The following CABIN1 variants were observed in gnomAD, a reference collection of about 807,000 sequenced individuals.
CABIN1 encodes the protein calcineurin-binding protein cabin-1.
A neutral mutation model predicts 227.7 loss-of-function variants in CABIN1; 133 were observed. The ratio of observed to expected loss-of-function variants is 0.58; its 90% CI spans 0.51 to 0.67. The LOEUF (loss-of-function observed/expected upper bound fraction) is 0.67. CABIN1 is among the 30% of genes least tolerant of loss of function. The probability of loss-of-function intolerance (pLI) is 0.00; values close to 1 mark genes in which losing one functional copy is unlikely to be tolerated. For missense variants in CABIN1, 2,408 were observed against 2,852.5 expected (o/e 0.84, Z 3.55); for synonymous variants, 1,086 against 1,155.1 (o/e 0.94, Z 1.21).
chr22:24,146,388 T>G (rs1427277603), intron 29 of CABIN1, among the ~76,000 whole-genome samples: 1 of 152,220 alleles, frequency 6.6e-6, no homozygotes, highest in Non-Finnish European at 1.5e-5. Flanking sequence ...CTCTGCAAGC[T>G]TTGTGGAACT....
chr22:24,071,371 G>A (rs1338565896), intron 17 of CABIN1, among the ~76,000 whole-genome samples: 1 of 152,166 alleles, frequency 6.6e-6, no homozygotes, highest in African/African-American at 2.4e-5. Flanking sequence ...GGGGGCCAGA[G>A]CGCAGGCCGG....
chr22:24,081,099 C>A (rs1287748275), intron 19 of CABIN1, among the ~76,000 whole-genome samples: 1 of 152,140 alleles, frequency 6.6e-6, no homozygotes, highest in Non-Finnish European at 1.5e-5. Flanking sequence ...AGCTTTGTTC[C>A]AACAAAACTT....
intron 26 of CABIN1, among the ~76,000 whole-genome samples, chr22:24,109,081 A>G (rs537012111): frequency 6.6e-6 from 1 of 152,220 alleles, no homozygotes. Context: ...TTTTACATGC[A>G]TGGAAACTGA....
rs547997277 is a variant in CABIN1 at position 24,109,766 on chromosome 22, T to C, written c.4118-3800T>C. Among the ~76,000 whole-genome samples, 5 of 152,350 alleles carry C rather than the reference T, an allele frequency of 3.3e-5. No individual in the cohort carries two copies. In the East Asian group the frequency reaches 9.6e-4, roughly 29 times the overall value. On this transcript the variant is annotated intron_variant, in intron 26 of 36. Transcript: ENST00000263119. ...GTGCGAAAGGGACTTAACTTGCTCATGGTCTCAGCTAGTAAATGGCACAAG... is the reference window on the plus strand; with the variant it reads ...GTGCGAAAGGGACTTAACTTGCTCACGGTCTCAGCTAGTAAATGGCACAAG...
At chr22:24,094,444 T>TG (rs1254457176) in intron 24 of CABIN1, among the ~76,000 whole-genome samples, 1 of 152,142 alleles carries the variant, frequency 6.6e-6, no homozygotes, top group African/African-American at 2.4e-5. Context: ...ATAGTTAATT[T>TG]GGGGGGCAAC....
intron 18 of CABIN1, among the ~76,000 whole-genome samples, chr22:24,073,767 C>T (rs1279983276): frequency 6.6e-6 from 1 of 152,098 alleles, no homozygotes; most frequent in Non-Finnish European, 1.5e-5. Flanking sequence ...CTGAGCAAGC[C>T]TTAAGTCAGG....
chr22:24,057,806 A>G (rs1451850961), intron 10 of CABIN1, among the ~76,000 whole-genome samples: 1 of 152,100 alleles, frequency 6.6e-6, no homozygotes, highest in Admixed American at 6.6e-5. Context: ...CTTCTGATGA[A>G]TTTTTCTTAA....
chr22:24,092,268 C>T (rs1187971718), intron 24 of CABIN1, among the ~76,000 whole-genome samples: 2 of 152,152 alleles, frequency 1.3e-5, no homozygotes, highest in African/African-American at 4.8e-5. Flanking sequence ...CCCAGGTTGG[C>T]AGGGGCTGAG....
intron 34 of CABIN1, chr22:24,173,369 C>T (rs756500458): frequency 1.3e-5 from 2 of 152,186 alleles, no homozygotes; most frequent in African/African-American, 2.4e-5. Context: ...CACCTGATGC[C>T]ATCCACACTG....
At chr22:24,070,705 C>G (rs2040020754) in intron 16 of CABIN1, 95 bp from the exon 17 acceptor site, 1 of 1,569,844 alleles carries the variant, frequency 6.4e-7, no homozygotes, top group African/African-American at 1.4e-5. Flanking sequence ...CTTTTGCTGC[C>G]CCTCATCTGT....
At chr22:24,108,539 T>C (rs1010523805) in intron 26 of CABIN1, among the ~76,000 whole-genome samples, 1 of 152,224 alleles carries the variant, frequency 6.6e-6, no homozygotes, top group Non-Finnish European at 1.5e-5. Flanking sequence ...AGGGGTCTTA[T>C]ACACGTCCCA....
chr22:24,042,552 G>A (rs994237379), intron 5 of CABIN1, among the ~76,000 whole-genome samples: 1 of 152,174 alleles, frequency 6.6e-6, no homozygotes, highest in African/African-American at 2.4e-5. Flanking sequence ...CTGCACTCTT[G>A]CCTGGGCAGT....
intron 26 of CABIN1, among the ~76,000 whole-genome samples, chr22:24,099,611 C>G (rs1020632595): frequency 6.6e-6 from 1 of 152,200 alleles, no homozygotes; most frequent in African/African-American, 2.4e-5. Context: ...AGTTAATCAC[C>G]CTGTTCCCAA....
chr22:24,170,446 G>A (rs919541981), intron 33 of CABIN1, among the ~76,000 whole-genome samples: 3 of 152,192 alleles, frequency 2.0e-5, no homozygotes, highest in Non-Finnish European at 4.4e-5. Context: ...CGAGCACAGG[G>A]ACACTGCACT....
chr22:24,035,453 G>T lies in CABIN1; in HGVS notation c.-65G>T. On this transcript the variant is annotated 5_prime_UTR_variant, in exon 2 of 37. Transcript: ENST00000263119. ...CCTATTTCCTTTCTAGGAGAGTTGTGGACTGGGGCAACCTTTGCCAGTGAT... is the reference window on the plus strand; with the variant it reads ...CCTATTTCCTTTCTAGGAGAGTTGTTGACTGGGGCAACCTTTGCCAGTGAT... 1 of 1,610,790 alleles carries T rather than the reference G, an allele frequency of 6.2e-7. No individual in the cohort carries two copies. Among genetic ancestry groups the T allele is most frequent in the South Asian group, 1.1e-5 (1 of 91,010 alleles).
intron 29 of CABIN1, among the ~76,000 whole-genome samples, chr22:24,145,488 G>A (rs956968558): frequency 2.6e-5 from 4 of 152,212 alleles, no homozygotes; most frequent in Admixed American, 6.5e-5. Context: ...GGATTTAGGT[G>A]TTCTGAGCCA....
chr22:24,093,402 G>A (rs1018492542), intron 24 of CABIN1, among the ~76,000 whole-genome samples: 1 of 152,208 alleles, frequency 6.6e-6, no homozygotes, highest in African/African-American at 2.4e-5. Context: ...AATTAGCCAG[G>A]TGTGGTGGTG....
At chr22:24,084,829 C>T in intron 21 of CABIN1, 44 bp downstream of exon 21, 2 of 1,593,538 alleles carry the variant, frequency 1.3e-6, no homozygotes, top group Non-Finnish European at 1.7e-6. Flanking sequence ...GGCTGGGTCA[C>T]ACTCTTCCGC....
rs958792614 is a variant in CABIN1, at chr22:24,167,442, C to A, written c.5682+129C>A. 4.0e-6 allele frequency: 3 copies of A among 756,660 alleles called. No homozygotes were observed. The East Asian group carries it at 8.1e-5, about 20-fold the overall frequency. 46.9% of individuals were successfully genotyped at this position (756,660 alleles called of 1,614,324 possible). ...GTTTTAGGTGTTGTTCCCACACCAT[C>A]CCTGCTGTTCACTTTCTGCAATGAG... is the stretch of plus-strand genomic sequence containing the variant. On this transcript the variant is annotated intron_variant, in intron 32 of 36. Coordinates refer to ENST00000263119, the MANE Select transcript of CABIN1 (RefSeq NM_012295.4).
Sources: allele counts gnomAD v4.1 joint callset (sites outside exome capture counted in the v4.1 genomes callset), GRCh38; gene constraint gnomAD v4.1.1; transcripts MANE v1.5; gene names NCBI Gene and HGNC (gene_info 2026-07-23, HGNC 2026-07-21).